TBC1D5: variants seen among roughly 807,000 people sequenced by gnomAD.
TBC1D5 encodes TBC1 domain family member 5, also known as TBC1 domain family, member 5.
TBC1D5 carries 75 observed loss-of-function variants against 100.3 expected under a neutral mutation model. That is an observed-to-expected ratio of 0.75 (90% CI 0.62 to 0.91). TBC1D5 has a LOEUF of 0.91. TBC1D5 is among the 40% of genes least tolerant of loss of function. The pLI, the probability that TBC1D5 is intolerant of heterozygous loss-of-function variation, is 0.00. For synonymous variants in TBC1D5, 323 were observed against 325.6 expected (o/e 0.99, Z 0.09); for missense variants, 910 against 942.4 (o/e 0.97, Z 0.45).
At chr3:17,658,819 C>T (rs1024102118) in intron 1 of TBC1D5, among the ~76,000 whole-genome samples, 56 of 152,294 alleles carry the variant, frequency 3.7e-4, no homozygotes. Context: ...TGCACCACTA[C>T]ACCCCACTAA....
intron 13 of TBC1D5, among the ~76,000 whole-genome samples, chr3:17,368,007 T>C (rs1046415096): frequency 4.2e-5 from 6 of 142,354 alleles, no homozygotes; most frequent in Non-Finnish European, 3.1e-5. Flanking sequence ...AAATCACTTA[T>C]GTTGAACATT....
chr3:17,250,886 G>T (rs1170993819), intron 16 of TBC1D5, among the ~76,000 whole-genome samples: 1 of 152,030 alleles, frequency 6.6e-6, no homozygotes, highest in Non-Finnish European at 1.5e-5. Flanking sequence ...TGTTTGTCTT[G>T]TTGGCACTAA....
intron 1 of TBC1D5, among the ~76,000 whole-genome samples, chr3:17,683,237 A>G (rs1167482382): frequency 6.6e-6 from 1 of 151,518 alleles, no homozygotes; most frequent in African/African-American, 2.4e-5. Flanking sequence ...ACAAGCACTT[A>G]ATCATTCTTT....
At chr3:17,158,742 TGGTG>T (rs1218649755) in exon 22 of TBC1D5, 1 of 152,214 alleles carries the variant, frequency 6.6e-6, no homozygotes, top group Non-Finnish European at 1.5e-5. Context: ...CTTATTGGCA[TGGTG>T]GGTGCCTAGT....
intron 9 of TBC1D5, among the ~76,000 whole-genome samples, chr3:17,382,066 T>C (rs1575613674): frequency 6.6e-6 from 1 of 151,988 alleles, no homozygotes; most frequent in East Asian, 1.9e-4. Flanking sequence ...ATATTTCCCA[T>C]TATCCCTTTC....
chr3:17,627,469 A>C (rs2063150470), intron 1 of TBC1D5, among the ~76,000 whole-genome samples: 1 of 152,220 alleles, frequency 6.6e-6, no homozygotes, highest in Non-Finnish European at 1.5e-5. Context: ...CTATAAATAC[A>C]CCTGAGGAAA....
chr3:17,730,666 T>C (rs1437764309), intron 1 of TBC1D5, among the ~76,000 whole-genome samples: 1 of 152,108 alleles, frequency 6.6e-6, no homozygotes, highest in Non-Finnish European at 1.5e-5. Context: ...CATGAGTAAA[T>C]AAATATTACT....
intron 2 of TBC1D5, among the ~76,000 whole-genome samples, chr3:17,540,783 T>C (rs762382822): frequency 9.3e-5 from 14 of 150,920 alleles, no homozygotes; most frequent in Non-Finnish European, 1.8e-4. Flanking sequence ...GGTGGGCGCC[T>C]GTAATCCCAA....
chr3:17,557,693 G>C (rs2096531063), intron 2 of TBC1D5, among the ~76,000 whole-genome samples: 1 of 152,104 alleles, frequency 6.6e-6, no homozygotes, highest in African/African-American at 2.4e-5. Flanking sequence ...TGGGACAACA[G>C]ACACATGCAA....
At chr3:17,317,181 C>T (rs1257472369) in intron 13 of TBC1D5, among the ~76,000 whole-genome samples, 3 of 152,080 alleles carry the variant, frequency 2.0e-5, no homozygotes, top group Non-Finnish European at 2.9e-5. Flanking sequence ...ATTAGAAAGG[C>T]AAAAACAATT....
intron 1 of TBC1D5, among the ~76,000 whole-genome samples, chr3:17,640,931 G>A (rs1362029771): frequency 6.7e-6 from 1 of 150,030 alleles, no homozygotes. Context: ...ATTCTTCCAG[G>A]AAATACAAAA....
At chr3:17,337,444 C>T (rs2088099526) in intron 13 of TBC1D5, 1 of 152,080 alleles carries the variant, frequency 6.6e-6, no homozygotes, top group African/African-American at 2.4e-5. Flanking sequence ...AACAAGAAAG[C>T]CTATAGCTCC....
intron 3 of TBC1D5, among the ~76,000 whole-genome samples, chr3:17,435,891 T>G (rs997379513): frequency 1.3e-5 from 2 of 152,188 alleles, no homozygotes; most frequent in African/African-American, 2.4e-5. Context: ...GACCCTAAGC[T>G]TCCACCAAAA....
rs567297060 is a variant in TBC1D5 at position 17,674,261 on chromosome 3, T to C, written c.-100-50348A>G. Among the ~76,000 whole-genome samples the C allele has an allele frequency of 4.6e-5, 7 of 152,306 alleles. No individual in the cohort carries two copies. In the South Asian group the frequency reaches 1.2e-3, roughly 27 times the overall value. ...CATTTCTTTATATGCCTTTGAAAAT[T>C]TGACAGGTCATCTATTGCGAAATAG... On this transcript the variant is annotated intron_variant, in intron 1 of 21. Transcript: ENST00000253692.
At chr3:17,284,973 C>T (rs2081017776) in intron 15 of TBC1D5, among the ~76,000 whole-genome samples, 1 of 150,592 alleles carries the variant, frequency 6.6e-6, no homozygotes, top group East Asian at 1.9e-4. Context: ...AAAGAAAAAA[C>T]AGCTTTTGTT....
At chr3:17,462,747 G>A (rs754730589) in intron 3 of TBC1D5, among the ~76,000 whole-genome samples, 10 of 152,150 alleles carry the variant, frequency 6.6e-5, no homozygotes, top group Non-Finnish European at 1.5e-4. Context: ...ATGAACTGAA[G>A]CAGATCTTCT....
chr3:17,166,455 A>G (rs1374308962), intron 21 of TBC1D5, among the ~76,000 whole-genome samples: 1 of 152,218 alleles, frequency 6.6e-6, no homozygotes, highest in Non-Finnish European at 1.5e-5. Context: ...ACTGATAACT[A>G]AGACAGAGAT....
intron 1 of TBC1D5, among the ~76,000 whole-genome samples, chr3:17,707,479 T>A (rs2074292746): frequency 6.6e-6 from 1 of 152,170 alleles, no homozygotes; most frequent in African/African-American, 2.4e-5. Context: ...ACTGAAAGGA[T>A]TACTTAACTA....
intron 1 of TBC1D5, among the ~76,000 whole-genome samples, chr3:17,631,256 C>T (rs528282099): frequency 6.6e-6 from 1 of 152,178 alleles, no homozygotes; most frequent in South Asian, 2.1e-4. Flanking sequence ...AAAGTCTAAT[C>T]CAGAGAAAAG....
Sources: allele counts gnomAD v4.1 joint callset (sites outside exome capture counted in the v4.1 genomes callset), GRCh38; gene constraint gnomAD v4.1.1; transcripts MANE v1.5; gene names NCBI Gene and HGNC (gene_info 2026-07-23, HGNC 2026-07-21).